Variants in PRKCQ observed in about 807,000 individuals in gnomAD.
PRKCQ encodes the protein protein kinase C theta, also known as protein kinase C theta type.
In PRKCQ, 41 loss-of-function variants were observed where a neutral mutation model predicts 91.2. That is an observed-to-expected ratio of 0.45 (90% confidence interval 0.35 to 0.58). The LOEUF is 0.58. Ranked by LOEUF, PRKCQ falls within the 20% of genes least tolerant of loss-of-function variation. The pLI is 0.00. For missense variants in PRKCQ, 673 were observed against 896.5 expected, an observed-to-expected ratio of 0.75 and a Z score of 3.18; for synonymous variants, 307 against 316.9, an observed-to-expected ratio of 0.97 and a Z score of 0.33.
chr10:6,404,524 C>T, the PRKCQ span, among the ~76,000 whole-genome samples: 395 of 146,036 alleles, frequency 2.7e-3, 2 homozygotes, highest in African/African-American at 9.7e-3. Context: ...CTTCCTCCCT[C>T]CTTCCTTCCT....
At chr10:6,452,079 C>A (rs568755061) in intron 15 of PRKCQ, among the ~76,000 whole-genome samples, 1 of 151,922 alleles carries the variant, frequency 6.6e-6, no homozygotes, top group African/African-American at 2.4e-5. Context: ...CTGGCCAGGG[C>A]AATTAGGCAG....
chr10:6,567,717 C>T (rs1840883120), intron 1 of PRKCQ, among the ~76,000 whole-genome samples: 1 of 152,160 alleles, frequency 6.6e-6, no homozygotes, highest in African/African-American at 2.4e-5. Context: ...GGATTTATTT[C>T]TAATCTTCTT....
At chr10:6,409,702 A>G in the PRKCQ span, among the ~76,000 whole-genome samples, 1 of 152,052 alleles carries the variant, frequency 6.6e-6, no homozygotes, top group Non-Finnish European at 1.5e-5. Flanking sequence ...GTTTTCTTCC[A>G]TTTAGATTAA....
the PRKCQ span, among the ~76,000 whole-genome samples, chr10:6,407,268 G>A: frequency 1.3e-5 from 2 of 152,064 alleles, no homozygotes; most frequent in African/African-American, 4.8e-5. The surrounding 1 kb of genome is among the most constrained non-coding windows in gnomAD (Gnocchi z 4.0). Context: ...GCATGGTGCC[G>A]GGGTGTGGGG....
intron 4 of PRKCQ, among the ~76,000 whole-genome samples, chr10:6,501,981 A>G (rs1406009944): frequency 6.6e-6 from 1 of 152,184 alleles, no homozygotes; most frequent in Non-Finnish European, 1.5e-5. Flanking sequence ...TTGTGTGGGA[A>G]TCAAAAAGAA....
At chr10:6,543,743 G>A (rs1564383922) in intron 1 of PRKCQ, among the ~76,000 whole-genome samples, 1 of 152,214 alleles carries the variant, frequency 6.6e-6, no homozygotes, top group African/African-American at 2.4e-5. Context: ...AGTGCTGGAA[G>A]GAACCCCAGC....
chr10:6,570,248 G>A (rs958926231), intron 1 of PRKCQ, among the ~76,000 whole-genome samples: 8 of 152,246 alleles, frequency 5.3e-5, no homozygotes, highest in Non-Finnish European at 7.4e-5. Flanking sequence ...GGCATCTGTC[G>A]TTCAAGACAT....
the PRKCQ span, among the ~76,000 whole-genome samples, chr10:6,409,744 T>A: frequency 1.3e-5 from 2 of 152,178 alleles, no homozygotes; most frequent in South Asian, 4.1e-4. Flanking sequence ...GTTTTTTTTT[T>A]ATAGCTTGGA....
chr10:6,569,811 C>T lies in PRKCQ; in HGVS notation c.-10+10400G>A, dbSNP rs116311329. On this transcript the variant is annotated intron_variant, in intron 1 of 17. Coordinates refer to ENST00000263125, the MANE Select transcript of PRKCQ (RefSeq NM_006257.5). The stretch of plus-strand genomic sequence containing the variant: ...TGCAGAAAAGAGCAGGAGGAGAAAA[C>T]GTGTTGAAAGAGAAAGGGGAAGGTG... Among the ~76,000 whole-genome samples the T allele has an allele frequency of 2.0e-3, 301 of 152,090 alleles. 1 individual carries two copies. Among genetic ancestry groups the T allele is most frequent in the African/African-American group, 6.6e-3 (275 of 41,488 alleles).
the PRKCQ span, among the ~76,000 whole-genome samples, chr10:6,395,212 T>C: frequency 0.54 from 81,727 of 151,588 alleles, 22,599 homozygotes; most frequent in East Asian, 0.82. Context: ...TACAGGTGCC[T>C]GCCACCGTGC....
At chr10:6,543,003 C>T (rs1403373776) in intron 1 of PRKCQ, among the ~76,000 whole-genome samples, 1 of 152,218 alleles carries the variant, frequency 6.6e-6, no homozygotes, top group Non-Finnish European at 1.5e-5. Context: ...CGTCCTTTCC[C>T]TGCGTTGAGT....
intron 1 of PRKCQ, among the ~76,000 whole-genome samples, chr10:6,551,289 A>G (rs1840173754): frequency 6.6e-6 from 1 of 152,078 alleles, no homozygotes; most frequent in African/African-American, 2.4e-5. Flanking sequence ...TTTGCTAAGG[A>G]TAATGGCCTC....
the PRKCQ span, among the ~76,000 whole-genome samples, chr10:6,409,205 GT>G: frequency 1.3e-5 from 2 of 152,226 alleles, no homozygotes; most frequent in African/African-American, 4.8e-5. Flanking sequence ...CTGGATGTAT[GT>G]TGCTTGTGAC....
At chr10:6,573,163 C>T (rs1466410942) in intron 1 of PRKCQ, among the ~76,000 whole-genome samples, 1 of 152,098 alleles carries the variant, frequency 6.6e-6, no homozygotes, top group Non-Finnish European at 1.5e-5. Flanking sequence ...GTTATCACCC[C>T]CAAAATTAAT....
chr10:6,570,209 A>G (rs1425143865), intron 1 of PRKCQ, among the ~76,000 whole-genome samples: 1 of 152,042 alleles, frequency 6.6e-6, no homozygotes, highest in Non-Finnish European at 1.5e-5. Flanking sequence ...GCGGGTGATC[A>G]TTTCTGAGGG....
chr10:6,522,126 G>C (rs971380305), intron 1 of PRKCQ, among the ~76,000 whole-genome samples: 1 of 152,046 alleles, frequency 6.6e-6, no homozygotes, highest in African/African-American at 2.4e-5. Flanking sequence ...ATTTTTAGTA[G>C]AGACTGGGTT....
intron 1 of PRKCQ, among the ~76,000 whole-genome samples, chr10:6,530,881 C>G (rs1450430623): frequency 6.6e-6 from 1 of 152,214 alleles, no homozygotes; most frequent in East Asian, 1.9e-4. Context: ...CACCCATTGG[C>G]ATTGTTCTAG....
At chr10:6,418,568 C>T in the PRKCQ span, among the ~76,000 whole-genome samples, 1 of 152,204 alleles carries the variant, frequency 6.6e-6, no homozygotes, top group East Asian at 1.9e-4. Context: ...CCCTGGCATT[C>T]AGCTCAGGAG....
At chr10:6,519,992 T>C (rs61841277) in intron 1 of PRKCQ, among the ~76,000 whole-genome samples, 2,646 of 152,308 alleles carry the variant, frequency 0.017, 35 homozygotes, top group Non-Finnish European at 0.027. Context: ...TCTTTTCTAC[T>C]GTTCAGCCAT....
Sources: gnomAD v4.1 joint callset for allele counts (sites outside exome capture counted in the v4.1 genomes callset) on GRCh38, gnomAD v4.1.1 for gene constraint, Gnocchi (gnomAD v3.1) non-coding constraint, MANE v1.5 for transcripts, NCBI Gene and HGNC (gene_info 2026-07-23, HGNC 2026-07-21) for gene names.